The following SGCD variants were observed in gnomAD, a reference collection of about 807,000 sequenced individuals.
SGCD encodes the protein sarcoglycan delta.
Under a neutral mutation model 36.6 loss-of-function variants are expected in SGCD, and 18 were observed. The ratio of observed to expected loss-of-function variants is 0.49; its 90% CI spans 0.34 to 0.73. SGCD has a LOEUF of 0.73. Among genes scored for constraint, SGCD ranks in the 30% least tolerant of loss-of-function variants. The pLI is 0.01. For missense variants in SGCD, 387 were observed against 346.7 expected (o/e 1.12, Z -0.92); for synonymous variants, 133 against 130.6 (o/e 1.02, Z -0.12).
chr5:156,278,103 T>C (rs901569150), intron 3 of SGCD, among the ~76,000 whole-genome samples: 4 of 152,130 alleles, frequency 2.6e-5, no homozygotes, highest in Non-Finnish European at 5.9e-5. Flanking sequence ...GAGCCAATCA[T>C]GTGGAAATAA....
chr5:156,082,402 C>A (rs1278843358), intron 1 of SGCD, among the ~76,000 whole-genome samples: 1 of 152,122 alleles, frequency 6.6e-6, no homozygotes, highest in African/African-American at 2.4e-5. Flanking sequence ...GCCCCTTACC[C>A]TCTATACCTT....
At chr5:155,807,550 T>A in the SGCD span, among the ~76,000 whole-genome samples, 1 of 152,268 alleles carries the variant, frequency 6.6e-6, no homozygotes, top group African/African-American at 2.4e-5. Flanking sequence ...ATGTTTCTTA[T>A]GATAGAACTA....
intron 3 of SGCD, among the ~76,000 whole-genome samples, chr5:156,186,546 G>T (rs1246063610): frequency 1.3e-5 from 2 of 152,094 alleles, no homozygotes; most frequent in East Asian, 1.9e-4. Flanking sequence ...CTACTTTTGG[G>T]CAAATAGGTG....
chr5:156,264,099 A>C (rs1298411032), intron 3 of SGCD, among the ~76,000 whole-genome samples: 1 of 152,100 alleles, frequency 6.6e-6, no homozygotes, highest in African/African-American at 2.4e-5. Flanking sequence ...GACAGTTTGG[A>C]GGCTTTAATA....
chr5:156,172,152 C>T (rs1214204099), intron 3 of SGCD, among the ~76,000 whole-genome samples: 1 of 152,118 alleles, frequency 6.6e-6, no homozygotes, highest in Non-Finnish European at 1.5e-5. Context: ...GGCATGGTGG[C>T]AGATGCCTGT....
At chr5:156,329,009 G>A (rs911111137) in intron 1 of SGCD, among the ~76,000 whole-genome samples, 11 of 152,292 alleles carry the variant, frequency 7.2e-5, no homozygotes, top group East Asian at 5.8e-4. Flanking sequence ...CAGAAGAGGC[G>A]TGAAATAGCA....
chr5:156,423,009 T>C (rs1167214175), intron 3 of SGCD, among the ~76,000 whole-genome samples: 1 of 150,616 alleles, frequency 6.6e-6, no homozygotes, highest in Non-Finnish European at 1.5e-5. Flanking sequence ...CAGTCTTCAC[T>C]CACAAATGAT....
intron 3 of SGCD, among the ~76,000 whole-genome samples, chr5:156,309,680 G>T (rs1767338100): frequency 6.7e-6 from 1 of 149,288 alleles, no homozygotes; most frequent in African/African-American, 2.5e-5. Context: ...GGCTCACGGG[G>T]TTTCACTATG....
At chr5:156,202,866 A>G (rs973043869) in intron 3 of SGCD, among the ~76,000 whole-genome samples, 7 of 151,726 alleles carry the variant, frequency 4.6e-5, no homozygotes, top group African/African-American at 2.4e-5. Context: ...CTTGTGACAT[A>G]ACAGTGTTTC....
chr5:156,585,680 ATC>A (rs1760463147), intron 4 of SGCD, among the ~76,000 whole-genome samples: 2 of 152,104 alleles, frequency 1.3e-5, no homozygotes, highest in African/African-American at 4.8e-5. Flanking sequence ...CAAAGGCAAA[ATC>A]TCATGGAAAT....
At chr5:156,087,014 G>C (rs947294999) in intron 1 of SGCD, among the ~76,000 whole-genome samples, 7 of 152,134 alleles carry the variant, frequency 4.6e-5, no homozygotes, top group African/African-American at 7.2e-5. Context: ...AAGCCTGTTG[G>C]AGCATTGTAA....
intron 1 of SGCD, among the ~76,000 whole-genome samples, chr5:156,014,051 T>A (rs1266891687): frequency 1.3e-5 from 2 of 152,124 alleles, no homozygotes; most frequent in African/African-American, 4.8e-5. Flanking sequence ...GCTGGATCAA[T>A]CTTTTGCTAA....
chr5:156,366,584 A>C (rs1184523940), intron 3 of SGCD, among the ~76,000 whole-genome samples: 2 of 152,222 alleles, frequency 1.3e-5, no homozygotes, highest in East Asian at 3.8e-4. Context: ...AAAGAAATAC[A>C]TGTGATTACT....
At chr5:156,327,786 A>T (rs1767878408) in intron 1 of SGCD, among the ~76,000 whole-genome samples, 1 of 152,104 alleles carries the variant, frequency 6.6e-6, no homozygotes. Flanking sequence ...TTTATATAGG[A>T]GTTTGACTGT....
chr5:156,538,378 A>G (rs552257274), intron 4 of SGCD, among the ~76,000 whole-genome samples: 2 of 152,178 alleles, frequency 1.3e-5, no homozygotes, highest in South Asian at 4.2e-4. Flanking sequence ...AAGAATTTGA[A>G]AATGTAGGTC....
intron 3 of SGCD, among the ~76,000 whole-genome samples, chr5:156,456,439 A>T (rs749691430): frequency 5.3e-5 from 8 of 152,184 alleles, no homozygotes; most frequent in Non-Finnish European, 8.8e-5. Context: ...ACGAGTTAAG[A>T]CCATCCTTGT....
At chr5:156,651,010 C>G (rs1159881332) in intron 7 of SGCD, among the ~76,000 whole-genome samples, 1 of 152,114 alleles carries the variant, frequency 6.6e-6, no homozygotes, top group Non-Finnish European at 1.5e-5. Flanking sequence ...TAATAATAGT[C>G]ATTCTGACTG....
At chr5:156,115,332 T>A (rs917380656) in intron 1 of SGCD, among the ~76,000 whole-genome samples, 1 of 152,082 alleles carries the variant, frequency 6.6e-6, no homozygotes, top group African/African-American at 2.4e-5. Flanking sequence ...TATCTTTTTA[T>A]AATTTTATTA....
chr5:156,286,967 C>A (rs1766621523), intron 3 of SGCD, among the ~76,000 whole-genome samples: 1 of 152,038 alleles, frequency 6.6e-6, no homozygotes, highest in South Asian at 2.1e-4. Flanking sequence ...ATTGATCACT[C>A]TGTGTTAATG....
Sources: allele counts gnomAD v4.1 joint callset (sites outside exome capture counted in the v4.1 genomes callset), GRCh38; gene constraint gnomAD v4.1.1; transcripts MANE v1.5; gene names NCBI Gene and HGNC (gene_info 2026-07-23, HGNC 2026-07-21).